The following TRPM3 variants were observed in gnomAD, a reference collection of about 807,000 sequenced individuals.
TRPM3 encodes long transient receptor potential channel 3.
In TRPM3, 77 loss-of-function variants were observed where a neutral mutation model predicts 181.2. That is an observed-to-expected ratio of 0.42 (90% confidence interval 0.35 to 0.51). TRPM3 has a LOEUF of 0.51. TRPM3 is among the 20% of genes least tolerant of loss of function. The pLI, the probability that TRPM3 is intolerant of heterozygous loss-of-function variation, is 0.01. For synonymous variants in TRPM3, 745 were observed against 796.4 expected (o/e 0.94, Z 1.09); for missense variants, 1,759 against 2,196.7 (o/e 0.80, Z 3.98).
intron 1 of TRPM3, among the ~76,000 whole-genome samples, chr9:71,404,611 T>G (rs2093402389): frequency 6.6e-6 from 1 of 152,196 alleles, no homozygotes; most frequent in African/African-American, 2.4e-5. Context: ...GTTGCCTTGC[T>G]GGCTCTGGTC....
chr9:70,994,204 GATAAA>G (rs1355467634), intron 1 of TRPM3, among the ~76,000 whole-genome samples: 3 of 152,128 alleles, frequency 2.0e-5, no homozygotes, highest in Non-Finnish European at 4.4e-5. Context: ...AAACTTCACT[GATAAA>G]ATAAAGCTAC....
chr9:70,617,736 G>A (rs902051584), intron 17 of TRPM3, among the ~76,000 whole-genome samples: 1 of 152,142 alleles, frequency 6.6e-6, no homozygotes, highest in Non-Finnish European at 1.5e-5. Flanking sequence ...AGGCCAAAGC[G>A]GGTGGATCAC....
At chr9:70,979,100 G>A (rs1307626686) in intron 1 of TRPM3, among the ~76,000 whole-genome samples, 1 of 152,068 alleles carries the variant, frequency 6.6e-6, no homozygotes. Flanking sequence ...GTACTGCTTC[G>A]TGATCCTAGT....
intron 9 of TRPM3, among the ~76,000 whole-genome samples, chr9:70,657,664 T>G (rs1425057421): frequency 6.6e-6 from 1 of 152,190 alleles, no homozygotes; most frequent in Non-Finnish European, 1.5e-5. Context: ...TACACCTGTG[T>G]ATCTTTCTGT....
intron 7 of TRPM3, chr9:70,775,434 T>A (rs2081166328): frequency 6.6e-6 from 1 of 151,930 alleles, no homozygotes; most frequent in African/African-American, 2.4e-5. Context: ...GGTTGTAGGG[T>A]GAATGGAAGG....
At chr9:70,695,012 T>C (rs1475004255) in intron 8 of TRPM3, among the ~76,000 whole-genome samples, 1 of 152,198 alleles carries the variant, frequency 6.6e-6, no homozygotes, top group African/African-American at 2.4e-5. Context: ...AGGCTGATAA[T>C]ATCCCATCAA....
chr9:70,928,940 G>A (rs1004397925), intron 1 of TRPM3, among the ~76,000 whole-genome samples: 2 of 152,062 alleles, frequency 1.3e-5, no homozygotes, highest in African/African-American at 4.8e-5. Context: ...TTCCTGTCCT[G>A]ACACAGCATA....
At position 70,685,859 on chromosome 9, in the gene TRPM3, T is replaced by G. The variant is rs917923298; in HGVS notation, c.1273-4281A>C. ...CTTTCTTGTTTTCTAATTAATGCAT[T>G]TAAAATTATGTATCTCACATTTTTT... On this transcript the variant is annotated intron_variant, in intron 8 of 25. Coordinates refer to ENST00000677713, the MANE Select transcript of TRPM3 (RefSeq NM_001366145.2). 3.4e-5 allele frequency among the ~76,000 whole-genome samples: 5 copies of G among 145,842 alleles called. No individual in the cohort carries two copies. In the South Asian group the frequency reaches 1.1e-3, roughly 33 times the overall value.
chr9:70,869,336 T>TCCC (rs796468760), intron 1 of TRPM3, among the ~76,000 whole-genome samples: 25 of 141,770 alleles, frequency 1.8e-4, no homozygotes, highest in African/African-American at 4.2e-4. Context: ...CCTAACAGGC[T>TCCC]CCCCCGCCCT....
chr9:70,893,098 C>T lies in TRPM3; in HGVS notation c.178-28587G>A, dbSNP rs574120588. Among the ~76,000 whole-genome samples, 24 of 152,256 alleles carry T rather than the reference C, an allele frequency of 1.6e-4. 1 individual carries two copies. Among genetic ancestry groups the T allele is most frequent in the African/African-American group, 5.8e-4 (24 of 41,544 alleles). ...GATATATTTCCCCAAAGCAGAGTCTCCTGTGCTGGACTGCTATTATTAATA... is the reference window on the plus strand; with the variant it reads ...GATATATTTCCCCAAAGCAGAGTCTTCTGTGCTGGACTGCTATTATTAATA... On this transcript the variant is annotated intron_variant, in intron 1 of 25. Transcript: ENST00000677713.
intron 1 of TRPM3, among the ~76,000 whole-genome samples, chr9:70,895,382 G>A (rs1025860265): frequency 6.6e-6 from 1 of 152,128 alleles, no homozygotes; most frequent in Admixed American, 6.5e-5. Context: ...AATCTAAAGG[G>A]ACACAATAAT....
intron 8 of TRPM3, among the ~76,000 whole-genome samples, chr9:70,752,367 A>G (rs1341459618): frequency 6.6e-6 from 1 of 152,168 alleles, no homozygotes; most frequent in Non-Finnish European, 1.5e-5. Flanking sequence ...ATCTACATGG[A>G]TCTCCACTTC....
intron 1 of TRPM3, among the ~76,000 whole-genome samples, chr9:70,967,779 A>G (rs1377668417): frequency 6.6e-6 from 1 of 152,100 alleles, no homozygotes; most frequent in African/African-American, 2.4e-5. Flanking sequence ...TAAGAGGGTG[A>G]TTTATATAGG....
intron 1 of TRPM3, among the ~76,000 whole-genome samples, chr9:71,176,593 A>G (rs537112027): frequency 6.6e-6 from 1 of 152,270 alleles, no homozygotes; most frequent in East Asian, 1.9e-4. Flanking sequence ...TTATAAATTT[A>G]GTATAGCCTA....
chr9:71,065,737 C>T (rs779616422), intron 1 of TRPM3, among the ~76,000 whole-genome samples: 6 of 152,156 alleles, frequency 3.9e-5, no homozygotes, highest in Non-Finnish European at 8.8e-5. Context: ...TGTCTGTGCA[C>T]TGAAACTCAT....
intron 1 of TRPM3, among the ~76,000 whole-genome samples, chr9:71,282,980 G>A (rs73649707): frequency 6.6e-6 from 1 of 152,010 alleles, no homozygotes; most frequent in Non-Finnish European, 1.5e-5. Flanking sequence ...TGCTTCCCAA[G>A]GTGCCATATC....
intron 11 of TRPM3, among the ~76,000 whole-genome samples, chr9:70,637,106 T>C (rs954012519): frequency 2.8e-4 from 42 of 152,184 alleles, no homozygotes; most frequent in African/African-American, 9.2e-4. Context: ...GATGCTGGAT[T>C]GTGCAGTGAT....
intron 1 of TRPM3, among the ~76,000 whole-genome samples, chr9:71,387,012 A>G (rs538936200): frequency 1.3e-5 from 2 of 152,210 alleles, no homozygotes; most frequent in South Asian, 4.1e-4. Flanking sequence ...CATTTGCTCA[A>G]CTGATGGTTC....
intron 1 of TRPM3, among the ~76,000 whole-genome samples, chr9:71,128,850 C>G (rs186353591): frequency 1.3e-5 from 2 of 152,296 alleles, no homozygotes; most frequent in African/African-American, 4.8e-5. Context: ...AAATCAAACA[C>G]AAGTTCAAGC....
Sources: allele counts gnomAD v4.1 joint callset (sites outside exome capture counted in the v4.1 genomes callset), GRCh38; gene constraint gnomAD v4.1.1; transcripts MANE v1.5; gene names NCBI Gene and HGNC (gene_info 2026-07-23, HGNC 2026-07-21).